FOXP2: variants seen among roughly 807,000 people sequenced by gnomAD.
FOXP2 encodes forkhead box P2, also known as forkhead box protein P2.
FOXP2 carries 12 observed loss-of-function variants against 115.8 expected under a neutral mutation model. The ratio of observed to expected loss-of-function variants is 0.10; its 90% CI spans 0.07 to 0.17. The LOEUF (loss-of-function observed/expected upper bound fraction) is 0.17. Among genes scored for constraint, FOXP2 ranks in the 10% least tolerant of loss-of-function variants. The pLI is 1.00. For synonymous variants in FOXP2, 328 were observed against 297.7 expected (o/e 1.10, Z -1.05); for missense variants, 629 against 843.5 (o/e 0.75, Z 3.15).
At chr7:114,339,326 G>GT (rs1791136059) in intron 2 of FOXP2, among the ~76,000 whole-genome samples, 1 of 151,222 alleles carries the variant, frequency 6.6e-6, no homozygotes, top group Admixed American at 6.6e-5. Context: ...CTTTGATGTA[G>GT]TAAGAATGAT....
At chr7:114,167,365 G>T (rs910602285) in intron 1 of FOXP2, among the ~76,000 whole-genome samples, 1 of 152,164 alleles carries the variant, frequency 6.6e-6, no homozygotes, top group Non-Finnish European at 1.5e-5. Flanking sequence ...CCAACCACAG[G>T]CATATGCTAT....
chr7:114,348,363 A>T (rs1021175414), intron 2 of FOXP2, among the ~76,000 whole-genome samples: 2 of 151,486 alleles, frequency 1.3e-5, no homozygotes, highest in Non-Finnish European at 2.9e-5. Flanking sequence ...TAATTGATTC[A>T]TCTTTCTTTC....
intron 1 of FOXP2, among the ~76,000 whole-genome samples, chr7:114,212,558 GA>G (rs571399578): frequency 5.4e-4 from 75 of 139,672 alleles, no homozygotes; most frequent in Middle Eastern, 3.5e-3. Flanking sequence ...TGCTGAAAAA[GA>G]AAAAAAAAAA....
upstream of FOXP2, among the ~76,000 whole-genome samples, chr7:114,413,476 T>TA (rs971778153): frequency 1.5e-4 from 23 of 151,450 alleles, no homozygotes; most frequent in South Asian, 8.4e-4. Context: ...AATTTTGGTT[T>TA]AAAAAAAAAC....
intron 3 of FOXP2, among the ~76,000 whole-genome samples, chr7:114,572,485 C>CTTAAAT (rs1801356071): frequency 6.6e-6 from 1 of 151,700 alleles, no homozygotes; most frequent in East Asian, 1.9e-4. Context: ...ATCTTAATTT[C>CTTAAAT]TAAGTATTCT....
At chr7:114,389,743 G>A (rs948199115) in intron 2 of FOXP2, among the ~76,000 whole-genome samples, 1 of 152,088 alleles carries the variant, frequency 6.6e-6, no homozygotes, top group Non-Finnish European at 1.5e-5. Flanking sequence ...ATCAAGTTTG[G>A]CCGGGCGCAG....
intron 2 of FOXP2, among the ~76,000 whole-genome samples, chr7:114,516,583 C>T (rs1584837094): frequency 6.6e-6 from 1 of 151,966 alleles, no homozygotes; most frequent in Admixed American, 6.6e-5. Flanking sequence ...GAGAAACTTC[C>T]ATACTGTTTT....
chr7:114,350,945 A>G (rs1002108498), intron 2 of FOXP2, among the ~76,000 whole-genome samples: 1 of 152,178 alleles, frequency 6.6e-6, no homozygotes. Flanking sequence ...ACTTTTGTAT[A>G]TATTTCATCA....
At chr7:114,354,284 C>A (rs913817305) in intron 2 of FOXP2, among the ~76,000 whole-genome samples, 6 of 152,068 alleles carry the variant, frequency 3.9e-5, no homozygotes, top group Admixed American at 6.6e-5. Context: ...CACTAACTTT[C>A]CTGGTTCTTC....
intron 2 of FOXP2, among the ~76,000 whole-genome samples, chr7:114,457,894 CAA>C (rs397740229): frequency 8.7e-5 from 10 of 115,604 alleles, no homozygotes; most frequent in Admixed American, 1.8e-4. Context: ...GACTCCGTCT[CAA>C]AAAAAAAAAA....
At chr7:114,608,965 G>A (rs1165795600) in intron 3 of FOXP2, among the ~76,000 whole-genome samples, 32 of 152,110 alleles carry the variant, frequency 2.1e-4, no homozygotes, top group African/African-American at 6.3e-4. Context: ...TTGGAAGGCC[G>A]AGGCGGGCGG....
intron 3 of FOXP2, among the ~76,000 whole-genome samples, chr7:114,589,353 A>T (rs567593802): frequency 6.6e-6 from 1 of 150,890 alleles, no homozygotes; most frequent in South Asian, 2.1e-4. Context: ...AGATTTCTTT[A>T]AAAAAAAAGC....
chr7:114,121,508 G>A (rs1375391033), intron 1 of FOXP2, among the ~76,000 whole-genome samples: 1 of 152,140 alleles, frequency 6.6e-6, no homozygotes, highest in Non-Finnish European at 1.5e-5. Flanking sequence ...CTAGTTGGCA[G>A]TGGATATATG....
At chr7:114,238,955 T>TG (rs201623918) in intron 1 of FOXP2, among the ~76,000 whole-genome samples, 1,723 of 149,472 alleles carry the variant, frequency 0.012, 33 homozygotes, top group African/African-American at 0.039. Flanking sequence ...TTTATAAATA[T>TG]AAAAATAATG....
intron 2 of FOXP2, among the ~76,000 whole-genome samples, chr7:114,343,956 G>A (rs1791274979): frequency 6.6e-6 from 1 of 151,310 alleles, no homozygotes; most frequent in Non-Finnish European, 1.5e-5. Flanking sequence ...TAGAATGTAA[G>A]CCTCATGAGA....
intron 8 of FOXP2, among the ~76,000 whole-genome samples, chr7:114,646,286 T>C (rs1420960502): frequency 6.6e-6 from 1 of 152,030 alleles, no homozygotes; most frequent in African/African-American, 2.4e-5. Flanking sequence ...CAAATTGTTC[T>C]TTCTGACAAA....
chr7:114,106,611 T>C (rs1791124265), intron 1 of FOXP2, among the ~76,000 whole-genome samples: 1 of 151,982 alleles, frequency 6.6e-6, no homozygotes, highest in African/African-American at 2.4e-5. Flanking sequence ...CCAGAAACAT[T>C]CTTTAGAGGA....
intron 3 of FOXP2, among the ~76,000 whole-genome samples, chr7:114,551,897 A>G (rs1800226757): frequency 6.6e-6 from 1 of 152,172 alleles, no homozygotes; most frequent in Non-Finnish European, 1.5e-5. Context: ...AGTACGTTTT[A>G]TGACAAATAT....
At chr7:114,273,095 G>A (rs754886222) in intron 1 of FOXP2, among the ~76,000 whole-genome samples, 4 of 151,428 alleles carry the variant, frequency 2.6e-5, no homozygotes, top group Admixed American at 2.6e-4. Flanking sequence ...ATTTTCCTCT[G>A]AGCACTGATA....
Sources: gnomAD v4.1 joint callset for allele counts (sites outside exome capture counted in the v4.1 genomes callset) on GRCh38, gnomAD v4.1.1 for gene constraint, MANE v1.5 for transcripts, NCBI Gene and HGNC (gene_info 2026-07-23, HGNC 2026-07-21) for gene names.